Variants in ZC3H6 observed in about 807,000 individuals in gnomAD.
The protein encoded by ZC3H6 is zinc finger CCCH-type containing 6.
ZC3H6 carries 40 observed loss-of-function variants against 107.7 expected under a neutral mutation model. The observed-to-expected ratio is 0.37, with a 90% CI of 0.29 to 0.48. ZC3H6 has a LOEUF of 0.48. Ranked by LOEUF, ZC3H6 falls within the 20% of genes least tolerant of loss-of-function variation. The pLI, the probability that ZC3H6 is intolerant of heterozygous loss-of-function variation, is 0.98. For missense variants in ZC3H6, 1,267 were observed against 1,410.4 expected, an observed-to-expected ratio of 0.90 and a Z score of 1.63; for synonymous variants, 493 against 487.9, an observed-to-expected ratio of 1.01 and a Z score of -0.14.
chr2:112,292,185 G>T (rs1215385711), intron 1 of ZC3H6, among the ~76,000 whole-genome samples: 2 of 152,144 alleles, frequency 1.3e-5, no homozygotes, highest in African/African-American at 4.8e-5. Context: ...ACACTTTTGA[G>T]TGCACAGACT....
At position 112,338,519 on chromosome 2, in the gene ZC3H6, C is replaced by T. The variant is rs1043508036; in HGVS notation, c.*6031C>T. 6.6e-6 allele frequency: 1 copy of T among 151,958 alleles called. No homozygotes were observed. The highest frequency in any genetic ancestry group is 2.4e-5 in the African/African-American group (1 of 41,364). The allele number at this position is 151,958 out of a possible 1,614,324, so 9.4% of individuals were successfully genotyped here. On this transcript the variant is annotated 3_prime_UTR_variant, in exon 12 of 12. Coordinates refer to ENST00000409871, the MANE Select transcript of ZC3H6 (RefSeq NM_198581.3). ...GAGTTCTTGGAATAGTATTTTACAG[C>T]GTTGTTTATTCTTGACCTTCTTGTT...
intron 1 of ZC3H6, among the ~76,000 whole-genome samples, chr2:112,282,898 TC>T (rs759290872): frequency 2.0e-5 from 3 of 152,308 alleles, no homozygotes; most frequent in Middle Eastern, 3.4e-3. Context: ...CAATCTGCCT[TC>T]TAGGATATCC....
chr2:112,277,809 C>A, intron 1 of ZC3H6, among the ~76,000 whole-genome samples: 1 of 151,008 alleles, frequency 6.6e-6, no homozygotes, highest in South Asian at 2.1e-4. Flanking sequence ...TTTTTGTCAA[C>A]CCACATGAAA....
At chr2:112,319,142 C>G (rs1469306492) in intron 7 of ZC3H6, among the ~76,000 whole-genome samples, 1 of 152,066 alleles carries the variant, frequency 6.6e-6, no homozygotes, top group Non-Finnish European at 1.5e-5. Flanking sequence ...TGTATATTGA[C>G]TGGTTACTAG....
At chr2:112,314,279 C>T (rs1216423841) in intron 5 of ZC3H6, among the ~76,000 whole-genome samples, 1 of 152,056 alleles carries the variant, frequency 6.6e-6, no homozygotes, top group Non-Finnish European at 1.5e-5. Flanking sequence ...TTCTGTCAGT[C>T]TGCTAACTCA....
rs758077536 is a variant in ZC3H6, at chr2:112,328,662, C to T, written c.2087-2343C>T. On this transcript the variant is annotated intron_variant, in intron 11 of 11. Transcript: ENST00000409871. ...AGCATTTTAATAGCAATCTTTCAGC[C>T]GGGCGCAGTGGCTCACGCCTGTAAT... Among the ~76,000 whole-genome samples, 12 of 151,966 alleles carry T rather than the reference C, an allele frequency of 7.9e-5. No homozygotes were observed. In the East Asian group the frequency reaches 9.7e-4, roughly 12 times the overall value.
chr2:112,321,980 ATATTT>A, intron 8 of ZC3H6, 115 bp downstream of exon 8: 2 of 499,768 alleles, frequency 4.0e-6, no homozygotes, highest in Non-Finnish European at 3.5e-6. Flanking sequence ...TTACTATTTT[ATATTT>A]TATTCTATTT....
chr2:112,287,511 T>G (rs1427791877), intron 1 of ZC3H6, among the ~76,000 whole-genome samples: 10 of 152,200 alleles, frequency 6.6e-5, no homozygotes, highest in Non-Finnish European at 8.8e-5. Flanking sequence ...TTTTCTAGAT[T>G]AATGTTCAGC....
intron 5 of ZC3H6, among the ~76,000 whole-genome samples, chr2:112,314,617 T>C (rs1676658008): frequency 6.6e-6 from 1 of 152,174 alleles, no homozygotes; most frequent in Non-Finnish European, 1.5e-5. Context: ...TTCAGAGTTA[T>C]ATTCCTCAGG....
At position 112,325,066 on chromosome 2, in the gene ZC3H6, A is replaced by G; in HGVS notation, c.1955A>G (p.His652Arg). 6.2e-7 allele frequency: 1 copy of G among 1,613,968 alleles called. No individual in the cohort carries two copies. The highest frequency in any genetic ancestry group is 8.5e-7 in the Non-Finnish European group (1 of 1,179,868). ...GSDGSSTRTG[H>R]GPLPVPGLLP... Reference sequence around the variant, plus strand: ...GATGGCAGCAGCACTAGGACAGGCCATGGCCCTCTGCCTGTACCAGGCCTC... The same window carrying G: ...GATGGCAGCAGCACTAGGACAGGCCGTGGCCCTCTGCCTGTACCAGGCCTC... The change falls in exon 11 of 12, where the codon CAT (histidine) becomes CGT (arginine). Residue 652 changes from histidine to arginine, a missense_variant. This residue lies in a region of ZC3H6 where 925 missense variants were observed against 1,025.7 expected (regional missense o/e 0.90). Coordinates refer to ENST00000409871, the MANE Select transcript of ZC3H6 (RefSeq NM_198581.3).
intron 1 of ZC3H6, among the ~76,000 whole-genome samples, chr2:112,291,612 C>T (rs1288851490): frequency 6.6e-6 from 1 of 152,182 alleles, no homozygotes; most frequent in East Asian, 1.9e-4. Flanking sequence ...GTAAATCAGT[C>T]TGCTTGCTGG....
Position 112,324,169 on chromosome 2 carries a change from C to T in ZC3H6, c.1358C>T (p.Thr453Ile). ...KIGRKPPAFYTSASPPGPQFQ... is the reference protein window; with the variant it reads ...KIGRKPPAFYISASPPGPQFQ... ...GTCTACAGGCCACCAGCATTTTATA[C>T]CAGTGCCTCACCACCAGGACCACAA... Residue 453 changes from threonine (T) to isoleucine (I), a missense_variant, in exon 10 of 12, where the codon ACC (threonine) becomes ATC (isoleucine). This residue lies in a region of ZC3H6 where 925 missense variants were observed against 1,025.7 expected (regional missense o/e 0.90). Transcript: ENST00000409871. The T allele has an allele frequency of 2.5e-6, 4 of 1,583,294 alleles. No homozygotes were observed. The highest frequency in any genetic ancestry group is 1.1e-5 in the South Asian group (1 of 88,622).
Position 112,332,252 on chromosome 2 carries a change from G to GA in ZC3H6, c.3335dup (p.Asp1112GlufsTer12), listed in dbSNP as rs1449056778. The GA allele has an allele frequency of 6.2e-7, 1 of 1,613,826 alleles. No homozygotes were observed. The highest frequency in any genetic ancestry group is 2.2e-5 in the East Asian group (1 of 44,888). On this transcript the variant is annotated frameshift_variant, in exon 12 of 12. Coordinates refer to ENST00000409871, the MANE Select transcript of ZC3H6 (RefSeq NM_198581.3). LOFTEE classifies it high-confidence loss of function. ...GGGAGTCACTCTTGAGGGGCCAGCT[G>GA]ACCCACAGGCGGACGTTCCCAGGAG...
At position 112,275,958 on chromosome 2, in the gene ZC3H6, G is replaced by A. The variant is rs1349533761; in HGVS notation, c.-37G>A. ...GCGCCCCGCCGCCGCCGGCCTCGCA[G>A]ACCTGCCCTCCAGCCCCGCCCCGTT... is the stretch of plus-strand genomic sequence containing the variant. On this transcript the variant is annotated 5_prime_UTR_variant, in exon 1 of 12. Coordinates refer to ENST00000409871, the MANE Select transcript of ZC3H6 (RefSeq NM_198581.3). The A allele has an allele frequency of 6.6e-7, 1 of 1,520,944 alleles. No homozygotes were observed. The highest frequency in any genetic ancestry group is 2.1e-5 in the Admixed American group (1 of 47,700). The allele number at this position is 1,520,944 out of a possible 1,614,324, so 94.2% of individuals were successfully genotyped here. A position where few individuals can be genotyped will look rare whatever the true frequency, so the allele number is the denominator to read the frequency against.
At chr2:112,290,225 T>TAGG (rs2104698896) in intron 1 of ZC3H6, among the ~76,000 whole-genome samples, 1 of 152,376 alleles carries the variant, frequency 6.6e-6, no homozygotes, top group South Asian at 2.1e-4. Flanking sequence ...CCTGAGGAAT[T>TAGG]GAAGAAATTC....
chr2:112,303,705 G>A (rs930721550), intron 3 of ZC3H6, among the ~76,000 whole-genome samples: 1 of 152,104 alleles, frequency 6.6e-6, no homozygotes, highest in African/African-American at 2.4e-5. Context: ...CCAAGCTGTA[G>A]CATGTGTCAG....
chr2:112,276,345 G>A (rs1324482903), intron 1 of ZC3H6, among the ~76,000 whole-genome samples: 1 of 151,406 alleles, frequency 6.6e-6, no homozygotes, highest in African/African-American at 2.4e-5. Context: ...CGGTGCTGAG[G>A]TCCTGCTTCT....
At chr2:112,325,583 T>C (rs566760815) in intron 11 of ZC3H6, among the ~76,000 whole-genome samples, 1 of 152,228 alleles carries the variant, frequency 6.6e-6, no homozygotes, top group Non-Finnish European at 1.5e-5. Flanking sequence ...ACTTAATTGC[T>C]AAAGGTTTGA....
intron 11 of ZC3H6, among the ~76,000 whole-genome samples, chr2:112,327,625 G>A (rs922898065): frequency 6.6e-6 from 1 of 152,154 alleles, no homozygotes; most frequent in Non-Finnish European, 1.5e-5. Flanking sequence ...TTTTCTGGTA[G>A]CAGTTTCATA....
Sources: allele counts gnomAD v4.1 joint callset (sites outside exome capture counted in the v4.1 genomes callset), GRCh38; gene constraint gnomAD v4.1.1; regional missense constraint gnomAD v4.1.1; transcripts MANE v1.5; gene names NCBI Gene and HGNC (gene_info 2026-07-23, HGNC 2026-07-21).